Variants in ANO1 observed in about 807,000 individuals in gnomAD.
The protein encoded by ANO1 is anoctamin 1.
ANO1 carries 59 observed loss-of-function variants against 124.0 expected under a neutral mutation model. The ratio of observed to expected loss-of-function variants is 0.48; its 90% CI spans 0.39 to 0.59. The LOEUF (loss-of-function observed/expected upper bound fraction) is 0.59. ANO1 is among the 20% of genes least tolerant of loss of function. The pLI, the probability that ANO1 is intolerant of heterozygous loss-of-function variation, is 0.00. For missense variants in ANO1, 1,059 were observed against 1,328.0 expected (o/e 0.80, Z 3.15); for synonymous variants, 529 against 532.0 (o/e 0.99, Z 0.08).
intron 1 of ANO1, among the ~76,000 whole-genome samples, chr11:69,994,850 C>T (rs929068865): frequency 3.3e-5 from 5 of 152,192 alleles, no homozygotes; most frequent in Non-Finnish European, 7.3e-5. Flanking sequence ...CCACCAGACA[C>T]ACACAGTAGG....
chr11:70,167,214 C>G, intron 20 of ANO1, 28 bp from the exon 21 acceptor site: 2 of 1,612,392 alleles, frequency 1.2e-6, no homozygotes, highest in Non-Finnish European at 1.7e-6. Context: ...CTCCTGCAAA[C>G]CTAACTGCAT....
intron 1 of ANO1, chr11:70,064,376 C>G (rs1427719372): frequency 6.6e-6 from 1 of 152,260 alleles, no homozygotes; most frequent in Admixed American, 6.5e-5. Flanking sequence ...GCTGAGAAAT[C>G]ATTTCTCAGT....
intron 1 of ANO1, chr11:70,020,755 G>A (rs1856790552): frequency 6.6e-6 from 1 of 152,236 alleles, no homozygotes; most frequent in Non-Finnish European, 1.5e-5. Flanking sequence ...TAGACCCAGG[G>A]GGCAGACTTA....
intron 2 of ANO1, among the ~76,000 whole-genome samples, chr11:70,096,168 A>G (rs2044948213): frequency 6.6e-6 from 1 of 152,158 alleles, no homozygotes; most frequent in Non-Finnish European, 1.5e-5. Context: ...GGGTTTCCCA[A>G]AGCCTCTGAT....
At chr11:70,160,382 CCAGACAGA>C (rs370654143) in intron 16 of ANO1, among the ~76,000 whole-genome samples, 1 of 152,030 alleles carries the variant, frequency 6.6e-6, no homozygotes, top group African/African-American at 2.4e-5. Context: ...GTGAGGGAGC[CCAGACAGA>C]CAGACAGACA....
At chr11:70,009,035 T>A (rs79723183) in intron 1 of ANO1, among the ~76,000 whole-genome samples, 1 of 152,220 alleles carries the variant, frequency 6.6e-6, no homozygotes, top group Non-Finnish European at 1.5e-5. Flanking sequence ...GAGGTTAACA[T>A]TGGCCCCCGG....
chr11:70,088,606 G>A (rs1172943052), intron 2 of ANO1, among the ~76,000 whole-genome samples: 1 of 152,114 alleles, frequency 6.6e-6, no homozygotes, highest in African/African-American at 2.4e-5. Flanking sequence ...ACAGAGTTAG[G>A]GAGCCCTGAC....
rs80101804 is a variant in ANO1 at position 70,161,422 on chromosome 11, C to T, written c.1780+60C>T. On this transcript the variant is annotated intron_variant, in intron 17 of 25. Coordinates refer to ENST00000355303, the MANE Select transcript of ANO1 (RefSeq NM_018043.7). ...CTCAGGCAGCTGGAGTCGCCTGCCTCTTGCTGTGCATCCTTGAGTTTGTTG... is the reference window on the plus strand; with the variant it reads ...CTCAGGCAGCTGGAGTCGCCTGCCTTTTGCTGTGCATCCTTGAGTTTGTTG... 321 of 1,563,324 alleles carry T rather than the reference C, an allele frequency of 2.1e-4. No individual in the cohort carries two copies. In the African/African-American group the frequency reaches 3.9e-3, roughly 19 times the overall value.
chr11:70,127,864 T>C (rs2046585740), intron 10 of ANO1, among the ~76,000 whole-genome samples: 1 of 152,238 alleles, frequency 6.6e-6, no homozygotes, highest in African/African-American at 2.4e-5. Context: ...GCCTTCAGCG[T>C]GCAAATCGCT....
intron 1 of ANO1, among the ~76,000 whole-genome samples, chr11:70,029,953 C>T (rs72939621): frequency 0.25 from 37,845 of 152,142 alleles, 4,973 homozygotes; most frequent in East Asian, 0.46. Flanking sequence ...ATTAGGGCCA[C>T]TGGAGGAGTG....
rs548237459 is a variant in ANO1, at chr11:70,176,415, G to A, written c.2351-3589G>A. 2.0e-5 allele frequency among the ~76,000 whole-genome samples: 3 copies of A among 152,164 alleles called. No homozygotes were observed. The South Asian group carries it at 6.2e-4, about 32-fold the overall frequency. Reference sequence around the variant, plus strand: ...GCCCGCCTCTGCCTACCAAAGTGCTGGGATTACAGGCATGAGCCACCACAC... The same window carrying A: ...GCCCGCCTCTGCCTACCAAAGTGCTAGGATTACAGGCATGAGCCACCACAC... On this transcript the variant is annotated intron_variant, in intron 22 of 25. Transcript: ENST00000355303.
chr11:70,090,265 C>A (rs2044576174), intron 2 of ANO1, among the ~76,000 whole-genome samples: 1 of 152,154 alleles, frequency 6.6e-6, no homozygotes, highest in Admixed American at 6.5e-5. Context: ...CCTTGGCCTC[C>A]CAAAGTGCTG....
rs2045356770 is a variant in ANO1 at position 70,103,386 on chromosome 11, T to A, written c.540+222T>A. 2.6e-5 allele frequency among the ~76,000 whole-genome samples: 4 copies of A among 151,998 alleles called. No individual in the cohort carries two copies. In the South Asian group the frequency reaches 8.3e-4, roughly 32 times the overall value. ...ATATGACCCAACCCTGGGTGATCTT[T>A]AGAGACCCCAGACCAAACCCCACCA... is the stretch of plus-strand genomic sequence containing the variant. On this transcript the variant is annotated intron_variant, in intron 3 of 25. Transcript: ENST00000355303.
chr11:70,161,814 A>C, intron 18 of ANO1, 81 bp downstream of exon 18: 1 of 1,381,786 alleles, frequency 7.2e-7, no homozygotes, highest in Non-Finnish European at 1.0e-6. Flanking sequence ...GGTTGGGGGC[A>C]CCTGGAGCCC....
the ANO1 span, among the ~76,000 whole-genome samples, chr11:69,966,627 C>A: frequency 6.6e-6 from 1 of 152,060 alleles, no homozygotes; most frequent in African/African-American, 2.4e-5. Flanking sequence ...GGAGACAGCG[C>A]TGGACCCTCT....
At chr11:70,000,285 T>C (rs1216190035) in intron 1 of ANO1, among the ~76,000 whole-genome samples, 1 of 147,838 alleles carries the variant, frequency 6.8e-6, no homozygotes, top group Non-Finnish European at 1.5e-5. Context: ...ATCTGCTTTA[T>C]AAGGGAAAGC....
intron 15 of ANO1, 141 bp from the exon 16 acceptor site, chr11:70,156,806 A>G: frequency 1.4e-6 from 1 of 698,912 alleles, no homozygotes; most frequent in Non-Finnish European, 2.4e-6. Context: ...ACCTGTGGGC[A>G]TTTTTGAGGT....
intron 1 of ANO1, among the ~76,000 whole-genome samples, chr11:70,070,711 G>A (rs1334385561): frequency 1.3e-5 from 2 of 152,192 alleles, no homozygotes; most frequent in African/African-American, 2.4e-5. Flanking sequence ...GAGTGGGTAA[G>A]TAAGTGGGGA....
the ANO1 span, among the ~76,000 whole-genome samples, chr11:69,975,415 C>T: frequency 6.6e-6 from 1 of 152,238 alleles, no homozygotes; most frequent in African/African-American, 2.4e-5. Flanking sequence ...GACCCACTAA[C>T]AGCCACAGGC....
Sources: allele counts gnomAD v4.1 joint callset (sites outside exome capture counted in the v4.1 genomes callset), GRCh38; gene constraint gnomAD v4.1.1; transcripts MANE v1.5; gene names NCBI Gene and HGNC (gene_info 2026-07-23, HGNC 2026-07-21).